Variants in SLC25A21 observed in about 807,000 individuals in gnomAD.
The protein encoded by SLC25A21 is mitochondrial 2-oxodicarboxylate carrier.
In SLC25A21, 47 loss-of-function variants were observed where a neutral mutation model predicts 43.8. The ratio of observed to expected loss-of-function variants is 1.07; its 90% CI spans 0.85 to 1.37. SLC25A21 has a LOEUF of 1.37. Among genes scored for constraint, SLC25A21 ranks in the 40% most tolerant of loss-of-function variants. The pLI, the probability that SLC25A21 is intolerant of heterozygous loss-of-function variation, is 0.00. For missense variants in SLC25A21, 352 were observed against 350.2 expected (o/e 1.00, Z -0.04); for synonymous variants, 131 against 121.3 (o/e 1.08, Z -0.52).
intron 1 of SLC25A21, among the ~76,000 whole-genome samples, chr14:36,990,435 G>A (rs1014063034): frequency 2.6e-5 from 4 of 152,066 alleles, no homozygotes; most frequent in Non-Finnish European, 5.9e-5. Flanking sequence ...ATTATTTATA[G>A]TTTAACCCAC....
intron 7 of SLC25A21, among the ~76,000 whole-genome samples, chr14:36,701,517 T>G (rs1479781626): frequency 6.6e-6 from 1 of 152,218 alleles, no homozygotes; most frequent in East Asian, 1.9e-4. Flanking sequence ...AAGTTGTCTG[T>G]TCTTTAAAGT....
intron 1 of SLC25A21, among the ~76,000 whole-genome samples, chr14:37,145,835 C>T (rs1963655354): frequency 6.6e-6 from 1 of 152,170 alleles, no homozygotes; most frequent in Non-Finnish European, 1.5e-5. Flanking sequence ...AGACAAATTT[C>T]TAGGTTCACA....
At chr14:37,100,077 G>T (rs1425028599) in intron 1 of SLC25A21, among the ~76,000 whole-genome samples, 1 of 150,686 alleles carries the variant, frequency 6.6e-6, no homozygotes, top group Non-Finnish European at 1.5e-5. Flanking sequence ...TGTTTTTTTT[G>T]AGATGGAGTC....
Position 36,809,083 on chromosome 14 carries a change from A to G in SLC25A21, c.203+4835T>C, listed in dbSNP as rs77714050. On this transcript the variant is annotated intron_variant, in intron 3 of 9. Transcript: ENST00000331299. ...GAAGTGAGGCGTGATGCATGGACAC[A>G]TGGTAAATAGAGATATCTGCCACTG... The G allele has an allele frequency of 3.4e-4, 52 of 152,328 alleles. 1 individual carries two copies. The East Asian group carries it at 0.01, about 29-fold the overall frequency. 9.4% of individuals were successfully genotyped at this position (152,328 alleles called of 1,614,324 possible). A position where few individuals can be genotyped will look rare whatever the true frequency, so the allele number is the denominator to read the frequency against.
intron 1 of SLC25A21, among the ~76,000 whole-genome samples, chr14:36,974,839 T>C (rs568558501): frequency 1.3e-5 from 2 of 152,140 alleles, no homozygotes; most frequent in South Asian, 4.1e-4. Flanking sequence ...AACCAAGTAG[T>C]ACAATAAAAG....
chr14:36,782,652 CTT>C (rs1398524187), intron 3 of SLC25A21, among the ~76,000 whole-genome samples: 2 of 152,162 alleles, frequency 1.3e-5, no homozygotes, highest in African/African-American at 2.4e-5. Flanking sequence ...TTCCATCTCT[CTT>C]GTTACTTCAT....
In SLC25A21 at chr14:36,754,769, A is replaced by C. The variant is rs75258162; in HGVS notation, c.204-20196T>G. ...AGAGATAAAAGTATAATACAAGGAA[A>C]AGTTAAATTTAATAGGAAATATGTT... On this transcript the variant is annotated intron_variant, in intron 3 of 9. Coordinates refer to ENST00000331299, the MANE Select transcript of SLC25A21 (RefSeq NM_030631.4). Among the ~76,000 whole-genome samples, 995 of 152,294 alleles carry C rather than the reference A, an allele frequency of 6.5e-3. 12 individuals carry two copies. Among genetic ancestry groups the C allele is most frequent in the African/African-American group, 0.022 (926 of 41,554 alleles).
chr14:36,879,657 C>A (rs1458746750), intron 1 of SLC25A21, among the ~76,000 whole-genome samples: 1 of 152,032 alleles, frequency 6.6e-6, no homozygotes, highest in African/African-American at 2.4e-5. Context: ...TCGCCTGAGC[C>A]AATATTGGGA....
chr14:36,857,943 A>G (rs1224282607), intron 2 of SLC25A21, among the ~76,000 whole-genome samples: 1 of 152,192 alleles, frequency 6.6e-6, no homozygotes, highest in Non-Finnish European at 1.5e-5. Context: ...TTCACAATTA[A>G]TGAAAACACA....
At chr14:36,974,477 G>A (rs1959823537) in intron 1 of SLC25A21, among the ~76,000 whole-genome samples, 1 of 152,010 alleles carries the variant, frequency 6.6e-6, no homozygotes, top group Non-Finnish European at 1.5e-5. Flanking sequence ...ATCACTTTAG[G>A]TGGCTACCAA....
chr14:36,744,101 T>C (rs1885390729), intron 3 of SLC25A21, among the ~76,000 whole-genome samples: 1 of 152,148 alleles, frequency 6.6e-6, no homozygotes, highest in Admixed American at 6.6e-5. Flanking sequence ...ATTGCTAAAA[T>C]GACCATACTG....
At chr14:37,070,943 C>T (rs1198073175) in intron 1 of SLC25A21, among the ~76,000 whole-genome samples, 3 of 152,096 alleles carry the variant, frequency 2.0e-5, no homozygotes, top group Non-Finnish European at 4.4e-5. Context: ...TCAGTTTCCC[C>T]GGGGGAAGGA....
chr14:37,125,518 T>C (rs574784060), intron 1 of SLC25A21, among the ~76,000 whole-genome samples: 112 of 152,302 alleles, frequency 7.4e-4, no homozygotes, highest in Middle Eastern at 3.4e-3. Flanking sequence ...AGAGTCTAGA[T>C]AGGACAAAGA....
At position 36,680,721 on chromosome 14, in the gene SLC25A21, TAGAAA is replaced by T. The variant is rs1441986446; in HGVS notation, c.839-7_839-3del. 4.3e-6 allele frequency: 7 copies of T among 1,611,062 alleles called. No homozygotes were observed. Among genetic ancestry groups the T allele is most frequent in the Non-Finnish European group, 5.9e-6 (7 of 1,179,094 alleles). On this transcript the variant is annotated splice_polypyrimidine_tract_variant and splice_region_variant and intron_variant, in intron 9 of 9. Transcript: ENST00000331299. ...AAACCAGCAGCATCACTGCACCACC[TAGAAA>T]AGAAAAGAGCTGTTTTTTATTGCAA...
intron 3 of SLC25A21, among the ~76,000 whole-genome samples, chr14:36,758,095 G>A (rs1886002143): frequency 6.6e-6 from 1 of 152,232 alleles, no homozygotes; most frequent in South Asian, 2.1e-4. Flanking sequence ...AAAGCTGAAA[G>A]CACACCGCAG....
intron 1 of SLC25A21, among the ~76,000 whole-genome samples, chr14:36,954,191 T>A (rs1366583194): frequency 1.2e-4 from 19 of 152,142 alleles, no homozygotes; most frequent in Admixed American, 1.2e-3. Flanking sequence ...CAGTAAAAAA[T>A]GTCTCTGATT....
intron 3 of SLC25A21, among the ~76,000 whole-genome samples, chr14:36,793,079 A>G (rs1389164836): frequency 1.3e-5 from 2 of 152,188 alleles, no homozygotes; most frequent in Non-Finnish European, 2.9e-5. Flanking sequence ...TAATCTGAGT[A>G]TAACAAAAAT....
chr14:37,039,373 A>T (rs1365441965), intron 1 of SLC25A21, among the ~76,000 whole-genome samples: 2 of 152,136 alleles, frequency 1.3e-5, no homozygotes, highest in Non-Finnish European at 2.9e-5. Context: ...ACTAATAAAC[A>T]TATTCATCAC....
intron 1 of SLC25A21, among the ~76,000 whole-genome samples, chr14:37,095,208 T>C (rs8014186): frequency 0.8 from 121,173 of 152,224 alleles, 51,143 homozygotes; most frequent in South Asian, 0.94. Context: ...ACTCAATAAA[T>C]AGCTGAATTT....
Sources: allele counts gnomAD v4.1 joint callset (sites outside exome capture counted in the v4.1 genomes callset), GRCh38; gene constraint gnomAD v4.1.1; transcripts MANE v1.5; gene names NCBI Gene and HGNC (gene_info 2026-07-23, HGNC 2026-07-21).